The following BRD10 variants were observed in gnomAD, a reference collection of about 807,000 sequenced individuals.
BRD10 encodes the protein bromodomain containing 10.
At chr9:5,945,427 G>A in the BRD10 span, among the ~76,000 whole-genome samples, 1 of 152,074 alleles carries the variant, frequency 6.6e-6, no homozygotes, top group African/African-American at 2.4e-5. Flanking sequence ...CTTAGTTATT[G>A]CTGTTGGGGT....
chr9:5,915,775 A>G, the BRD10 span, among the ~76,000 whole-genome samples: 1 of 152,190 alleles, frequency 6.6e-6, no homozygotes, highest in East Asian at 1.9e-4. Context: ...ACAGAATGGA[A>G]TCCTACTCAT....
the BRD10 span, among the ~76,000 whole-genome samples, chr9:6,002,822 G>A: frequency 6.6e-6 from 1 of 151,826 alleles, no homozygotes; most frequent in Non-Finnish European, 1.5e-5. Context: ...GATTACAGGT[G>A]TGTGCCACTA....
the BRD10 span, among the ~76,000 whole-genome samples, chr9:5,974,064 G>T: frequency 6.6e-6 from 1 of 152,028 alleles, no homozygotes; most frequent in Admixed American, 6.6e-5. Flanking sequence ...AATGAAGAAC[G>T]TAAGCCACAT....
chr9:5,984,005 A>C, the BRD10 span, among the ~76,000 whole-genome samples: 20 of 145,088 alleles, frequency 1.4e-4, no homozygotes, highest in African/African-American at 3.6e-4. Flanking sequence ...ACACACACAC[A>C]CCCCTCTCCA....
the BRD10 span, among the ~76,000 whole-genome samples, chr9:5,901,768 TGCC>T: frequency 6.6e-6 from 1 of 151,932 alleles, no homozygotes; most frequent in South Asian, 2.1e-4. Flanking sequence ...GCAATCCACC[TGCC>T]TCAGCCTCCC....
chr9:5,883,211 G>A, the BRD10 span, among the ~76,000 whole-genome samples: 2 of 151,768 alleles, frequency 1.3e-5, no homozygotes, highest in Non-Finnish European at 2.9e-5. Flanking sequence ...CCCTAAATAT[G>A]CACATAGTTT....
At chr9:5,968,507 C>G in the BRD10 span, 2 of 1,612,718 alleles carry the variant, frequency 1.2e-6, no homozygotes, top group Non-Finnish European at 1.7e-6. Context: ...TTCACAAGGC[C>G]TGCGAATTCT....
the BRD10 span, among the ~76,000 whole-genome samples, chr9:5,991,301 G>C: frequency 6.6e-6 from 1 of 152,026 alleles, no homozygotes; most frequent in East Asian, 1.9e-4. Flanking sequence ...GCATCTAGTA[G>C]TGTGTCTGTA....
chr9:5,915,924 TTAAGA>T, the BRD10 span, among the ~76,000 whole-genome samples: 2 of 152,212 alleles, frequency 1.3e-5, no homozygotes, highest in Admixed American at 6.5e-5. Flanking sequence ...CTTAAAGTAA[TTAAGA>T]TGATTACATA....
chr9:5,908,314 C>T, the BRD10 span, among the ~76,000 whole-genome samples: 1 of 152,154 alleles, frequency 6.6e-6, no homozygotes, highest in Non-Finnish European at 1.5e-5. Flanking sequence ...GGTAAAGATG[C>T]AATGTATATG....
the BRD10 span, among the ~76,000 whole-genome samples, chr9:5,925,177 G>A: frequency 1.3e-5 from 2 of 151,902 alleles, no homozygotes; most frequent in African/African-American, 4.8e-5. Flanking sequence ...TGGCCAACAC[G>A]GTGAAGCCCT....
chr9:5,980,651 T>C, the BRD10 span, among the ~76,000 whole-genome samples: 1 of 151,672 alleles, frequency 6.6e-6, no homozygotes, highest in Non-Finnish European at 1.5e-5. Flanking sequence ...TAAAAAAAAC[T>C]TCACACACAC....
At chr9:5,969,460 C>G in the BRD10 span, 32 of 1,412,744 alleles carry the variant, frequency 2.3e-5, no homozygotes, top group Admixed American at 4.1e-4. Flanking sequence ...ACAAATTATA[C>G]TATTATTATT....
the BRD10 span, among the ~76,000 whole-genome samples, chr9:5,955,010 C>T: frequency 6.6e-6 from 1 of 152,040 alleles, no homozygotes; most frequent in Non-Finnish European, 1.5e-5. Context: ...ATCATGTGAA[C>T]CTGGGAGGTG....
the BRD10 span, chr9:5,910,378 CAAAATATT>C: frequency 6.6e-6 from 1 of 152,184 alleles, no homozygotes; most frequent in Non-Finnish European, 1.5e-5. Flanking sequence ...CAACATTTAA[CAAAATATT>C]AAAATATTTC....
chr9:5,892,272 T>G, the BRD10 span, among the ~76,000 whole-genome samples: 1 of 152,346 alleles, frequency 6.6e-6, no homozygotes, highest in African/African-American at 2.4e-5. Context: ...CCTGAGCTAT[T>G]GCTAAAGCCC....
the BRD10 span, among the ~76,000 whole-genome samples, chr9:5,998,106 TAAAC>T: frequency 4.0e-5 from 6 of 151,858 alleles, no homozygotes; most frequent in South Asian, 4.1e-4. Context: ...TTAGTAAAAA[TAAAC>T]AAAAAAAAGA....
At chr9:5,974,940 A>AGC in the BRD10 span, among the ~76,000 whole-genome samples, 3 of 152,156 alleles carry the variant, frequency 2.0e-5, no homozygotes, top group Non-Finnish European at 4.4e-5. Flanking sequence ...CAGAATAATA[A>AGC]AGCTGTTTCC....
chr9:5,990,196 C>G, the BRD10 span, among the ~76,000 whole-genome samples: 2 of 152,154 alleles, frequency 1.3e-5, no homozygotes, highest in African/African-American at 2.4e-5. Context: ...TAAGGAATTG[C>G]GGACCCAGGG....
Sources: allele counts gnomAD v4.1 joint callset (sites outside exome capture counted in the v4.1 genomes callset), GRCh38; gene constraint gnomAD v4.1.1; transcripts MANE v1.5; gene names NCBI Gene and HGNC (gene_info 2026-07-23, HGNC 2026-07-21).